The following NRXN2 variants were observed in gnomAD, a reference collection of about 807,000 sequenced individuals.
The protein encoded by NRXN2 is neurexin 2, also known as neurexin-2-beta.
In NRXN2, 29 loss-of-function variants were observed where a neutral mutation model predicts 128.8. The ratio of observed to expected loss-of-function variants is 0.23; its 90% CI spans 0.17 to 0.31. The LOEUF (loss-of-function observed/expected upper bound fraction) is 0.31, where lower values mean the gene tolerates loss of function less well. Among genes scored for constraint, NRXN2 ranks in the 10% least tolerant of loss-of-function variants. NRXN2 has a pLI of 1.00. For synonymous variants in NRXN2, 1,098 were observed against 1,075.2 expected, an observed-to-expected ratio of 1.02 and a Z score of -0.41; for missense variants, 1,881 against 2,452.6, an observed-to-expected ratio of 0.77 and a Z score of 4.92.
At chr11:64,679,510 G>A (rs562349018) in intron 6 of NRXN2, among the ~76,000 whole-genome samples, 7 of 152,196 alleles carry the variant, frequency 4.6e-5, no homozygotes, top group African/African-American at 7.2e-5. Flanking sequence ...GGTGGCGGGC[G>A]CCCGTAGTCC....
chr11:64,695,363 G>A (rs2054359624), intron 3 of NRXN2, among the ~76,000 whole-genome samples: 1 of 152,176 alleles, frequency 6.6e-6, no homozygotes, highest in Non-Finnish European at 1.5e-5. Context: ...AAAAGGAGGT[G>A]TTCGGCAGGG....
rs2039947711 is a variant in NRXN2, at chr11:64,607,948, G to T, written c.4387C>A (p.Leu1463Met). 6.5e-7 allele frequency: 1 copy of T among 1,544,510 alleles called. No homozygotes were observed. The stretch of plus-strand genomic sequence containing the variant: ...GGGCGGCGCGCGGCGGGCGGGGGCA[G>T]CGTGTCTTGGGTGGCGCCCACTCCC... ...LTGVGATQDT[L>M]PPPAARRPPS... The change falls in exon 23 of 23, where the codon CTG becomes ATG. Residue 1463 changes from leucine (L) to methionine (M), a missense_variant. Leu to Met is a conservative substitution (Grantham distance 15, BLOSUM62 2). Around this residue, in one of 7 missense-constraint regions of NRXN2, gnomAD observed 310 missense variants for 318.2 expected, o/e 0.97. Coordinates refer to ENST00000265459, the MANE Select transcript of NRXN2 (RefSeq NM_015080.4).
chr11:64,619,367 C>A (rs2041985224), intron 22 of NRXN2, among the ~76,000 whole-genome samples: 1 of 151,988 alleles, frequency 6.6e-6, no homozygotes, highest in East Asian at 1.9e-4. Context: ...AAGTATCCCA[C>A]CCTCCCCCAG....
chr11:64,642,513 T>C (rs2045856370), intron 17 of NRXN2: 10 of 1,597,630 alleles, frequency 6.3e-6, no homozygotes, highest in Non-Finnish European at 8.5e-6. Context: ...GCCAACCGGG[T>C]GGCCGGCATC....
Position 64,643,057 on chromosome 11 carries a change from C to T in NRXN2, c.3403+5162G>A, listed in dbSNP as rs912616529. ...CCATCGCGAGGAGCTAGGGGTCTCT[C>T]TGCATCCCGGCGGGGTCGGAGCGGC... On this transcript the variant is annotated intron_variant, in intron 17 of 22. Coordinates refer to ENST00000265459, the MANE Select transcript of NRXN2 (RefSeq NM_015080.4). The T allele has an allele frequency of 2.6e-5, 26 of 994,614 alleles. No homozygotes were observed. In the East Asian group the frequency reaches 2.8e-3, roughly 106 times the overall value. 61.6% of individuals were successfully genotyped at this position (994,614 alleles called of 1,614,324 possible).
At chr11:64,643,362 A>AG (rs398048294) in intron 17 of NRXN2, 15 of 19,654 alleles carry the variant, frequency 7.6e-4, no homozygotes, top group African/African-American at 3.5e-3. Flanking sequence ...CGGCCGGGGG[A>AG]GGGGGGGGCG....
rs1591624111 is a variant in NRXN2, at chr11:64,631,295, T to G, written c.3586-722A>C. 2.1e-5 allele frequency among the ~76,000 whole-genome samples: 2 copies of G among 97,476 alleles called. No individual in the cohort carries two copies. Among genetic ancestry groups the G allele is most frequent in the Non-Finnish European group, 2.1e-5 (1 of 47,074 alleles). 63.9% of individuals were successfully genotyped at this position (97,476 alleles called of 152,430 possible). On this transcript the variant is annotated intron_variant, in intron 18 of 22. Transcript: ENST00000265459. The surrounding 1 kb of genome is among the most constrained non-coding windows in gnomAD (Gnocchi z 4.8). Reference sequence around the variant, plus strand: ...AAAGGGGATCGTGGGGGTTTCGGGGTAGGGGGTGGAGCTAGGGGCTGGGGA... The same window carrying G: ...AAAGGGGATCGTGGGGGTTTCGGGGGAGGGGGTGGAGCTAGGGGCTGGGGA...
chr11:64,659,990 G>A (rs1020703362), intron 11 of NRXN2, among the ~76,000 whole-genome samples: 12 of 152,210 alleles, frequency 7.9e-5, no homozygotes, highest in African/African-American at 2.7e-4. Flanking sequence ...ATGAGCAAGT[G>A]GATGAGCCAT....
At position 64,635,519 on chromosome 11, in the gene NRXN2, G is replaced by C. The variant is rs2044570759; in HGVS notation, c.3404-67C>G. 5.9e-5 allele frequency: 91 copies of C among 1,551,490 alleles called. 1 individual carries two copies. The South Asian group carries it at 9.2e-4, about 16-fold the overall frequency. ...GGAGGACGAGGTCAGCAGGTCCTCAGGGTTGTGACCAGAGGGATGGAACCC... is the reference window on the plus strand; with the variant it reads ...GGAGGACGAGGTCAGCAGGTCCTCACGGTTGTGACCAGAGGGATGGAACCC... On this transcript the variant is annotated intron_variant, in intron 17 of 22. Transcript: ENST00000265459. This position sits in a 1 kb window ranked among gnomAD's most constrained non-coding sequence, Gnocchi z 4.8.
intron 12 of NRXN2, 80 bp downstream of exon 12, chr11:64,653,616 C>T (rs2047804889): frequency 7.2e-7 from 1 of 1,381,278 alleles, no homozygotes; most frequent in Admixed American, 2.0e-5. Flanking sequence ...TTCTCTTCCT[C>T]CCAGCCTCCC....
intron 22 of NRXN2, among the ~76,000 whole-genome samples, chr11:64,612,259 G>C (rs905607029): frequency 6.6e-6 from 1 of 152,136 alleles, no homozygotes; most frequent in Non-Finnish European, 1.5e-5. Context: ...ACCGCTGCCC[G>C]TGCTGCTGGG....
Position 64,697,625 on chromosome 11 carries a change from G to A in NRXN2, c.748+150C>T, listed in dbSNP as rs1352889748. 64 of 854,692 alleles carry A rather than the reference G, an allele frequency of 7.5e-5. 3 individuals are homozygous for A. The South Asian group carries it at 7.7e-4, about 10-fold the overall frequency. The allele number at this position is 854,692 out of a possible 1,614,324, so 52.9% of individuals were successfully genotyped here. A position where few individuals can be genotyped will look rare whatever the true frequency, so the allele number is the denominator to read the frequency against. ...GAGGGGACGCAAGAGAGTGGGGCAA[G>A]GCAGCCAAGGGAGGACCCCAGACAT... On this transcript the variant is annotated intron_variant, in intron 3 of 22. Coordinates refer to ENST00000265459, the MANE Select transcript of NRXN2 (RefSeq NM_015080.4).
At chr11:64,707,751 C>G (rs2056486640) in intron 2 of NRXN2, among the ~76,000 whole-genome samples, 1 of 152,222 alleles carries the variant, frequency 6.6e-6, no homozygotes, top group Non-Finnish European at 1.5e-5. Flanking sequence ...GAGGCAGAAT[C>G]TCTTAACAAC....
At chr11:64,643,340 G>T in intron 17 of NRXN2, 3 of 573,466 alleles carry the variant, frequency 5.2e-6, no homozygotes, top group Non-Finnish European at 6.2e-6. Flanking sequence ...GAGGCCGGGG[G>T]AAAGGAGGGA....
intron 11 of NRXN2, among the ~76,000 whole-genome samples, chr11:64,657,383 G>A (rs1379445173): frequency 1.3e-5 from 2 of 152,148 alleles, no homozygotes; most frequent in African/African-American, 4.8e-5. Context: ...ACTCCAGTCT[G>A]TCCATGCTAT....
intron 2 of NRXN2, among the ~76,000 whole-genome samples, chr11:64,708,990 G>A (rs376168224): frequency 3.9e-4 from 59 of 152,110 alleles, no homozygotes; most frequent in Middle Eastern, 3.4e-3. Flanking sequence ...CCGGGAGTTC[G>A]AGACCAGCCT....
rs1213760368 is a variant in NRXN2 at position 64,650,643 on chromosome 11, C to T, written c.2919-5G>A. ...TCAAACACGTAGTGGATGTACCTGCCCCACAGTAGGGAGGAGACACTGGGT... is the reference window on the plus strand; with the variant it reads ...TCAAACACGTAGTGGATGTACCTGCTCCACAGTAGGGAGGAGACACTGGGT... On this transcript the variant is annotated splice_region_variant and splice_polypyrimidine_tract_variant and intron_variant, in intron 14 of 22. Transcript: ENST00000265459. 1 of 1,614,000 alleles carries T rather than the reference C, an allele frequency of 6.2e-7. No homozygotes were observed. The highest frequency in any genetic ancestry group is 1.3e-5 in the African/African-American group (1 of 74,992).
intron 1 of NRXN2, among the ~76,000 whole-genome samples, chr11:64,720,421 C>G (rs768233976): frequency 1.1e-4 from 16 of 152,060 alleles, no homozygotes; most frequent in African/African-American, 1.7e-4. Context: ...GACAGTGTCT[C>G]CAGTGCACAG....
intron 4 of NRXN2, among the ~76,000 whole-genome samples, chr11:64,692,220 G>C (rs974928772): frequency 2.6e-5 from 4 of 152,180 alleles, no homozygotes; most frequent in Non-Finnish European, 5.9e-5. Flanking sequence ...TGTCAAACAG[G>C]GTTAAGAGAC....
Sources: gnomAD v4.1 joint callset for allele counts (sites outside exome capture counted in the v4.1 genomes callset) on GRCh38, gnomAD v4.1.1 for gene constraint, gnomAD v4.1.1 regional missense constraint, Gnocchi (gnomAD v3.1) non-coding constraint, MANE v1.5 for transcripts, NCBI Gene and HGNC (gene_info 2026-07-23, HGNC 2026-07-21) for gene names.